Variants in PPM1H observed in about 807,000 individuals in gnomAD.
The protein encoded by PPM1H is protein phosphatase 1H.
In PPM1H, 27 loss-of-function variants were observed where a neutral mutation model predicts 54.9. That is an observed-to-expected ratio of 0.49 (90% confidence interval 0.36 to 0.68). The LOEUF is 0.68. PPM1H is among the 30% of genes least tolerant of loss of function. The probability of loss-of-function intolerance (pLI) is 0.00; values close to 1 mark genes in which losing one functional copy is unlikely to be tolerated. For missense variants in PPM1H, 596 were observed against 667.8 expected, an observed-to-expected ratio of 0.89 and a Z score of 1.19; for synonymous variants, 305 against 270.8, an observed-to-expected ratio of 1.13 and a Z score of -1.24.
intron 1 of PPM1H, among the ~76,000 whole-genome samples, chr12:62,833,436 C>A (rs1868410406): frequency 6.6e-6 from 1 of 152,250 alleles, no homozygotes; most frequent in South Asian, 2.1e-4. Context: ...TAGCTTTTGA[C>A]CAATTCCCCA....
intron 1 of PPM1H, among the ~76,000 whole-genome samples, chr12:62,912,475 G>A (rs1204665140): frequency 6.6e-6 from 1 of 152,194 alleles, no homozygotes; most frequent in Non-Finnish European, 1.5e-5. Flanking sequence ...AATAGGAGGG[G>A]AAGAGCAGTG....
intron 1 of PPM1H, among the ~76,000 whole-genome samples, chr12:62,865,760 G>T (rs1565813664): frequency 6.6e-6 from 1 of 152,112 alleles, no homozygotes; most frequent in Non-Finnish European, 1.5e-5. Context: ...GCCTCCCACA[G>T]TGCTGGGATT....
intron 6 of PPM1H, among the ~76,000 whole-genome samples, chr12:62,709,317 T>C (rs2076193698): frequency 6.6e-6 from 1 of 152,122 alleles, no homozygotes; most frequent in Non-Finnish European, 1.5e-5. Context: ...GAGGTAACAG[T>C]AAATAAAGGG....
chr12:62,837,707 T>C (rs1868544885), intron 1 of PPM1H, among the ~76,000 whole-genome samples: 1 of 152,214 alleles, frequency 6.6e-6, no homozygotes, highest in African/African-American at 2.4e-5. Context: ...GAAAAGTATT[T>C]GATGAGTGCC....
chr12:62,788,304 T>G lies in PPM1H; in HGVS notation c.791A>C (p.Asn264Thr). ...LQIERERSSYNISGGCTALIV... is the reference protein window; with the variant it reads ...LQIERERSSYTISGGCTALIV... ...GAGGGCCGTGCAGCCACCAGATATA[T>G]TATATGAACTCCTCTCTCGTTCTAT... The change falls in exon 4 of 10, where the codon AAT becomes ACT. Residue 264 changes from asparagine (N) to threonine (T), a missense_variant. Physicochemically the swap from Asn to Thr is moderately conservative, Grantham distance 65 (BLOSUM62 0). This residue lies in a region of PPM1H where 382 missense variants were observed against 387.1 expected (regional missense o/e 0.99). Coordinates refer to ENST00000228705, the MANE Select transcript of PPM1H (RefSeq NM_020700.2). 1.3e-6 allele frequency: 2 copies of G among 1,587,818 alleles called. No homozygotes were observed. The highest frequency in any genetic ancestry group is 1.7e-6 in the Non-Finnish European group (2 of 1,165,790).
intron 1 of PPM1H, among the ~76,000 whole-genome samples, chr12:62,930,790 T>G (rs992410708): frequency 6.6e-6 from 1 of 151,348 alleles, no homozygotes; most frequent in African/African-American, 2.4e-5. Context: ...ACTTAAAACT[T>G]GCTAATGCAT....
chr12:62,886,197 G>T (rs537186768), intron 1 of PPM1H, among the ~76,000 whole-genome samples: 191 of 152,242 alleles, frequency 1.3e-3, no homozygotes, highest in African/African-American at 4.5e-3. Context: ...TATGGTTTCT[G>T]ACACTCTACG....
intron 5 of PPM1H, among the ~76,000 whole-genome samples, chr12:62,722,322 C>A (rs1014388488): frequency 6.6e-6 from 1 of 152,072 alleles, no homozygotes; most frequent in Non-Finnish European, 1.5e-5. Flanking sequence ...TGTGCCAGCC[C>A]CATACCAGGT....
intron 6 of PPM1H, among the ~76,000 whole-genome samples, chr12:62,694,612 G>A (rs1411295708): frequency 2.0e-5 from 3 of 152,182 alleles, no homozygotes; most frequent in Non-Finnish European, 4.4e-5. Flanking sequence ...CCTGCACAGC[G>A]GAGGCGGGTA....
At chr12:62,919,430 G>A (rs1484332855) in intron 1 of PPM1H, among the ~76,000 whole-genome samples, 2 of 152,038 alleles carry the variant, frequency 1.3e-5, no homozygotes, top group Admixed American at 1.3e-4. Flanking sequence ...AATGTTGCGG[G>A]GTGGGGGCTG....
intron 5 of PPM1H, among the ~76,000 whole-genome samples, chr12:62,728,272 G>A (rs574789227): frequency 6.6e-6 from 1 of 152,260 alleles, no homozygotes; most frequent in South Asian, 2.1e-4. Context: ...AGTGATCTGA[G>A]CAGCTAAAAA....
At chr12:62,698,012 C>T (rs2076123453) in intron 6 of PPM1H, among the ~76,000 whole-genome samples, 1 of 151,962 alleles carries the variant, frequency 6.6e-6, no homozygotes, top group African/African-American at 2.4e-5. Context: ...TTGGCTTTCC[C>T]AAACTGAGAG....
At chr12:62,856,533 G>A (rs1487899936) in intron 1 of PPM1H, among the ~76,000 whole-genome samples, 1 of 152,076 alleles carries the variant, frequency 6.6e-6, no homozygotes, top group Non-Finnish European at 1.5e-5. Flanking sequence ...GTTAGATGCA[G>A]AAATATCCCA....
At chr12:62,913,738 T>C (rs1446582448) in intron 1 of PPM1H, among the ~76,000 whole-genome samples, 3 of 152,178 alleles carry the variant, frequency 2.0e-5, no homozygotes, top group Non-Finnish European at 4.4e-5. Context: ...CCTCACTCAG[T>C]TGTCCAGGCT....
intron 2 of PPM1H, among the ~76,000 whole-genome samples, chr12:62,815,989 G>A (rs1649564241): frequency 6.6e-6 from 1 of 152,130 alleles, no homozygotes; most frequent in Non-Finnish European, 1.5e-5. Context: ...TGAGTTGACA[G>A]GGGACACTGC....
At chr12:62,686,485 A>C (rs1214357805) in intron 8 of PPM1H, among the ~76,000 whole-genome samples, 1 of 152,214 alleles carries the variant, frequency 6.6e-6, no homozygotes, top group Non-Finnish European at 1.5e-5. Context: ...CCACGAGTCC[A>C]GTTACAAGCC....
chr12:62,777,903 G>T (rs971918629), intron 4 of PPM1H, among the ~76,000 whole-genome samples: 2 of 152,178 alleles, frequency 1.3e-5, no homozygotes, highest in African/African-American at 4.8e-5. Context: ...TATTTGGTAT[G>T]CTGTTTACTT....
intron 1 of PPM1H, among the ~76,000 whole-genome samples, chr12:62,906,894 G>A (rs1592665310): frequency 1.3e-5 from 2 of 152,202 alleles, no homozygotes; most frequent in African/African-American, 4.8e-5. Context: ...TTATAGCTTT[G>A]AAATAAAATG....
chr12:62,794,180 A>T (rs2076718059), intron 3 of PPM1H, among the ~76,000 whole-genome samples: 1 of 152,214 alleles, frequency 6.6e-6, no homozygotes, highest in African/African-American at 2.4e-5. Context: ...TGCTGGTGGA[A>T]TCACATGCTC....
Sources: allele counts gnomAD v4.1 joint callset (sites outside exome capture counted in the v4.1 genomes callset), GRCh38; gene constraint gnomAD v4.1.1; regional missense constraint gnomAD v4.1.1; transcripts MANE v1.5; gene names NCBI Gene and HGNC (gene_info 2026-07-23, HGNC 2026-07-21).